The following NRG1 variants were observed in gnomAD, a reference collection of about 807,000 sequenced individuals.
NRG1 encodes pro-neuregulin-1, membrane-bound isoform.
In NRG1, 18 loss-of-function variants were observed where a neutral mutation model predicts 63.8. That is an observed-to-expected ratio of 0.28 (90% confidence interval 0.19 to 0.42). The LOEUF (loss-of-function observed/expected upper bound fraction) is 0.42. Among genes scored for constraint, NRG1 ranks in the 10% least tolerant of loss-of-function variants. The probability of loss-of-function intolerance (pLI) is 1.00; values close to 1 mark genes in which losing one functional copy is unlikely to be tolerated. For synonymous variants in NRG1, 302 were observed against 301.3 expected, an observed-to-expected ratio of 1.00 and a Z score of -0.02; for missense variants, 762 against 814.7, an observed-to-expected ratio of 0.94 and a Z score of 0.79.
At chr8:31,751,481 A>T (rs1242665074) in intron 1 of NRG1, among the ~76,000 whole-genome samples, 2 of 151,962 alleles carry the variant, frequency 1.3e-5, no homozygotes, top group Admixed American at 6.6e-5. Flanking sequence ...AGAGTGTGGG[A>T]GAGTACTATA....
At chr8:32,051,875 AAG>A (rs1362464112) in intron 1 of NRG1, among the ~76,000 whole-genome samples, 1 of 152,142 alleles carries the variant, frequency 6.6e-6, no homozygotes, top group Non-Finnish European at 1.5e-5. Context: ...TTTTAAGTTA[AAG>A]AGAGAGAAGT....
chr8:32,467,959 A>G (rs1337384849), intron 1 of NRG1, among the ~76,000 whole-genome samples: 1 of 152,148 alleles, frequency 6.6e-6, no homozygotes, highest in East Asian at 1.9e-4. Flanking sequence ...CCCAACGATA[A>G]ACATCTGGAC....
chr8:31,936,723 C>T (rs1563589296), intron 1 of NRG1, among the ~76,000 whole-genome samples: 2 of 152,192 alleles, frequency 1.3e-5, no homozygotes, highest in Non-Finnish European at 2.9e-5. Flanking sequence ...TTGCTATTTT[C>T]GTGGTGTTCA....
chr8:32,677,745 A>G (rs976054250), intron 5 of NRG1, among the ~76,000 whole-genome samples: 2 of 152,232 alleles, frequency 1.3e-5, no homozygotes, highest in African/African-American at 4.8e-5. Context: ...TACTCCTGCA[A>G]ACAATTTCCA....
intron 1 of NRG1, among the ~76,000 whole-genome samples, chr8:31,705,344 G>A (rs553117799): frequency 3.7e-4 from 57 of 152,084 alleles, no homozygotes; most frequent in African/African-American, 1.4e-3. Flanking sequence ...CCGCGCCCCA[G>A]CCTGTTTTTG....
intron 1 of NRG1, among the ~76,000 whole-genome samples, chr8:32,558,598 G>A (rs1430151414): frequency 6.6e-6 from 1 of 152,150 alleles, no homozygotes; most frequent in Non-Finnish European, 1.5e-5. Flanking sequence ...CTGTGCCTCT[G>A]ATATCACAGG....
chr8:32,261,367 G>GTA (rs1320900970), intron 1 of NRG1, among the ~76,000 whole-genome samples: 1 of 151,632 alleles, frequency 6.6e-6, no homozygotes. Flanking sequence ...TAGTGTGTGT[G>GTA]TGTGTGTGTG....
intron 5 of NRG1, among the ~76,000 whole-genome samples, chr8:32,717,587 C>T (rs965926587): frequency 1.1e-4 from 16 of 152,130 alleles, no homozygotes; most frequent in Non-Finnish European, 7.3e-5. Flanking sequence ...TTTACTGCTT[C>T]GTTGCTTTCC....
At chr8:32,015,254 CTAAA>C (rs1171205161) in intron 1 of NRG1, among the ~76,000 whole-genome samples, 2 of 152,034 alleles carry the variant, frequency 1.3e-5, no homozygotes, top group East Asian at 1.9e-4. Flanking sequence ...GATGAAATGG[CTAAA>C]TAGTGTAGTA....
At chr8:32,502,039 A>G (rs1168817188) in intron 1 of NRG1, among the ~76,000 whole-genome samples, 7 of 152,200 alleles carry the variant, frequency 4.6e-5, no homozygotes, top group African/African-American at 1.7e-4. Context: ...ACACTACTGT[A>G]TTAGTCCATT....
At chr8:31,709,397 C>A in intron 1 of NRG1, among the ~76,000 whole-genome samples, 1 of 152,018 alleles carries the variant, frequency 6.6e-6, no homozygotes, top group Admixed American at 6.6e-5. Flanking sequence ...GATATTCATA[C>A]CTAAGATTCG....
At chr8:32,261,661 C>G (rs1220469884) in intron 1 of NRG1, among the ~76,000 whole-genome samples, 1 of 152,082 alleles carries the variant, frequency 6.6e-6, no homozygotes, top group Admixed American at 6.6e-5. Flanking sequence ...AACAGTTGCG[C>G]TTTTAACACC....
At chr8:31,938,503 T>A (rs1167759226) in intron 1 of NRG1, among the ~76,000 whole-genome samples, 1 of 151,980 alleles carries the variant, frequency 6.6e-6, no homozygotes, top group Non-Finnish European at 1.5e-5. Flanking sequence ...ATAAGGTTAT[T>A]TAACACCCCC....
chr8:32,354,181 C>A (rs1267410831), intron 1 of NRG1, among the ~76,000 whole-genome samples: 1 of 151,956 alleles, frequency 6.6e-6, no homozygotes, highest in Non-Finnish European at 1.5e-5. Flanking sequence ...CCCCCCAGGC[C>A]CACATGGCAA....
intron 1 of NRG1, among the ~76,000 whole-genome samples, chr8:31,917,566 T>A (rs1443268814): frequency 6.6e-6 from 1 of 152,056 alleles, no homozygotes; most frequent in African/African-American, 2.4e-5. Flanking sequence ...TTGGTCTATA[T>A]CTCTGTTTTG....
chr8:32,314,741 A>G (rs1291301211), intron 1 of NRG1, among the ~76,000 whole-genome samples: 1 of 152,214 alleles, frequency 6.6e-6, no homozygotes, highest in Non-Finnish European at 1.5e-5. Context: ...TCTCTTCATG[A>G]GCACCAAGAG....
intron 1 of NRG1, among the ~76,000 whole-genome samples, chr8:32,023,086 T>C (rs1267095454): frequency 1.3e-5 from 2 of 152,236 alleles, no homozygotes; most frequent in African/African-American, 2.4e-5. Context: ...TTCATAATCA[T>C]GTATATCAAG....
chr8:32,736,624 T>C (rs1713445898), intron 6 of NRG1, among the ~76,000 whole-genome samples: 1 of 152,236 alleles, frequency 6.6e-6, no homozygotes, highest in Non-Finnish European at 1.5e-5. Context: ...ATAGGGACTT[T>C]TCATTTTTCG....
intron 1 of NRG1, among the ~76,000 whole-genome samples, chr8:31,739,055 T>A (rs934893228): frequency 6.6e-6 from 1 of 152,118 alleles, no homozygotes; most frequent in African/African-American, 2.4e-5. Flanking sequence ...TATGTGTATG[T>A]GTTTGTAAGT....
Sources: gnomAD v4.1 joint callset for allele counts (sites outside exome capture counted in the v4.1 genomes callset) on GRCh38, gnomAD v4.1.1 for gene constraint, MANE v1.5 for transcripts, NCBI Gene and HGNC (gene_info 2026-07-23, HGNC 2026-07-21) for gene names.